MYO6: variants seen among roughly 807,000 people sequenced by gnomAD.
MYO6 encodes myosin VI.
A neutral mutation model predicts 178.7 loss-of-function variants in MYO6; 74 were observed. The ratio of observed to expected loss-of-function variants is 0.41; its 90% CI spans 0.34 to 0.50. The LOEUF is 0.50. Among genes scored for constraint, MYO6 ranks in the 20% least tolerant of loss-of-function variants. MYO6 has a pLI of 0.09. For synonymous variants in MYO6, 477 were observed against 504.6 expected, an observed-to-expected ratio of 0.95 and a Z score of 0.73; for missense variants, 1,330 against 1,547.4, an observed-to-expected ratio of 0.86 and a Z score of 2.36.
At position 75,857,012 on chromosome 6, in the gene MYO6, C is replaced by T; in HGVS notation, c.1224-85C>T. 14 of 1,272,148 alleles carry T rather than the reference C, an allele frequency of 1.1e-5. No individual in the cohort carries two copies. The South Asian group carries it at 1.6e-4, about 15-fold the overall frequency. 78.8% of individuals were successfully genotyped at this position (1,272,148 alleles called of 1,614,324 possible). On this transcript the variant is annotated intron_variant, in intron 12 of 34. Coordinates refer to ENST00000369977, the MANE Select transcript of MYO6 (RefSeq NM_004999.4). The stretch of plus-strand genomic sequence containing the variant: ...TGGTAACTCTTTATTTTGTTCTTCT[C>T]TGTGTGTATGTTTAGGTGCACTCTG...
At chr6:75,775,300 T>A (rs1200331008) in intron 1 of MYO6, among the ~76,000 whole-genome samples, 6 of 152,186 alleles carry the variant, frequency 3.9e-5, no homozygotes, top group Non-Finnish European at 7.3e-5. Flanking sequence ...GAGCAAATTC[T>A]TCCATAGCAG....
intron 27 of MYO6, among the ~76,000 whole-genome samples, chr6:75,892,154 A>C (rs1778951944): frequency 6.6e-6 from 1 of 152,178 alleles, no homozygotes; most frequent in African/African-American, 2.4e-5. Flanking sequence ...TCTGTTTGTC[A>C]TGGCTTTCAT....
intron 18 of MYO6, among the ~76,000 whole-genome samples, chr6:75,868,023 C>T (rs963660729): frequency 5.9e-5 from 9 of 152,126 alleles, no homozygotes; most frequent in Admixed American, 2.6e-4. Context: ...ATTTGCCTTT[C>T]ACTATATGTA....
At chr6:75,868,758 A>G (rs1431879156) in intron 18 of MYO6, among the ~76,000 whole-genome samples, 1 of 152,192 alleles carries the variant, frequency 6.6e-6, no homozygotes, top group Admixed American at 6.5e-5. Flanking sequence ...ATTTACAGCA[A>G]TACTTCAGTT....
chr6:75,870,634 C>T lies in MYO6; in HGVS notation c.1945-13C>T, dbSNP rs1280607958. On this transcript the variant is annotated splice_polypyrimidine_tract_variant and intron_variant, in intron 18 of 34. Transcript: ENST00000369977. ...CTTTTTGAAATAATAAACTGATTTC[C>T]TTTCTTTCACAGACACAGTTAAATT... 1 of 1,609,624 alleles carries T rather than the reference C, an allele frequency of 6.2e-7. No individual in the cohort carries two copies. Among genetic ancestry groups the T allele is most frequent in the Non-Finnish European group, 8.5e-7 (1 of 1,176,800 alleles).
At chr6:75,893,144 C>G (rs182958415) in intron 28 of MYO6, among the ~76,000 whole-genome samples, 238 of 152,168 alleles carry the variant, frequency 1.6e-3, no homozygotes, top group African/African-American at 5.0e-3. Flanking sequence ...AATGAGAACT[C>G]TACTCTGCAA....
rs1777286734 is a variant in MYO6, at chr6:75,873,183, C to T, written c.1984-24C>T. Reference sequence around the variant, plus strand: ...ACTAAGAATGCTATATGTATTGTAACAAAAAGTACCTTTATTTTCCTAGGG... The same window carrying T: ...ACTAAGAATGCTATATGTATTGTAATAAAAAGTACCTTTATTTTCCTAGGG... On this transcript the variant is annotated intron_variant, in intron 19 of 34. Transcript: ENST00000369977. 15 of 1,588,446 alleles carry T rather than the reference C, an allele frequency of 9.4e-6. No individual in the cohort carries two copies. In the East Asian group the frequency reaches 3.1e-4, roughly 33 times the overall value.
chr6:75,804,849 T>C (rs9447559), intron 1 of MYO6, among the ~76,000 whole-genome samples: 328 of 147,588 alleles, frequency 2.2e-3, no homozygotes, highest in African/African-American at 8.0e-3. Context: ...CCCTAACATA[T>C]ATATACACAT....
intron 1 of MYO6, among the ~76,000 whole-genome samples, chr6:75,800,731 A>G (rs1769368856): frequency 6.6e-6 from 1 of 151,746 alleles, no homozygotes; most frequent in Non-Finnish European, 1.5e-5. Flanking sequence ...GGGCATTACT[A>G]TTTTTTTGAG....
At chr6:75,825,573 A>G (rs1315490873) in intron 3 of MYO6, among the ~76,000 whole-genome samples, 1 of 152,230 alleles carries the variant, frequency 6.6e-6, no homozygotes, top group Non-Finnish European at 1.5e-5. Flanking sequence ...AGCCTGGGTG[A>G]CAAGAGTGAA....
chr6:75,784,776 C>CAAAAAAAAAA (rs754218278), intron 1 of MYO6, among the ~76,000 whole-genome samples: 2 of 54,408 alleles, frequency 3.7e-5, no homozygotes, highest in African/African-American at 1.3e-4. Flanking sequence ...GACTCCGTCT[C>CAAAAAAAAAA]AAAAAAAAAA....
chr6:75,870,750 C>CCTACTTGCAT, intron 19 of MYO6, 65 bp downstream of exon 19: 1 of 1,294,378 alleles, frequency 7.7e-7, no homozygotes, highest in Non-Finnish European at 1.1e-6. Flanking sequence ...AGTAATTATG[C>CCTACTTGCAT]AAGTAGGCAT....
At chr6:75,771,620 G>A (rs764478598) in intron 1 of MYO6, among the ~76,000 whole-genome samples, 1 of 152,102 alleles carries the variant, frequency 6.6e-6, no homozygotes, top group East Asian at 1.9e-4. Context: ...CCTTACTCCT[G>A]TTTGCAGTAT....
chr6:75,787,686 CTCT>C (rs1767724823), intron 1 of MYO6, among the ~76,000 whole-genome samples: 2 of 17,206 alleles, frequency 1.2e-4, no homozygotes, highest in Non-Finnish European at 1.7e-4. Context: ...TTCTCTCTCT[CTCT>C]CTCTCTCTCT....
At chr6:75,901,289 A>T (rs1456163822) in intron 30 of MYO6, among the ~76,000 whole-genome samples, 5 of 152,260 alleles carry the variant, frequency 3.3e-5, no homozygotes, top group African/African-American at 1.2e-4. Flanking sequence ...TGGTAGCTTG[A>T]TGGGGATGGC....
chr6:75,886,701 C>T, intron 24 of MYO6, 143 bp from the exon 25 acceptor site: 3 of 799,850 alleles, frequency 3.8e-6, no homozygotes, highest in Non-Finnish European at 6.0e-6. Context: ...TTTTTTTAGC[C>T]TTCAACAAGA....
intron 7 of MYO6, among the ~76,000 whole-genome samples, chr6:75,840,321 C>G (rs970849037): frequency 6.6e-6 from 1 of 152,018 alleles, no homozygotes; most frequent in South Asian, 2.1e-4. Flanking sequence ...ACCTCCACGC[C>G]TGGCTAATTT....
At chr6:75,843,781 A>G (rs930867893) in intron 9 of MYO6, among the ~76,000 whole-genome samples, 3 of 151,642 alleles carry the variant, frequency 2.0e-5, no homozygotes, top group Non-Finnish European at 1.5e-5. Context: ...AAAACCATGT[A>G]TATAGTTGTC....
At chr6:75,811,705 A>G (rs1297119789) in intron 1 of MYO6, among the ~76,000 whole-genome samples, 2 of 151,990 alleles carry the variant, frequency 1.3e-5, no homozygotes, top group African/African-American at 4.8e-5. Flanking sequence ...CCTCCTGTCT[A>G]TTCTGTAATT....
Sources: allele counts gnomAD v4.1 joint callset (sites outside exome capture counted in the v4.1 genomes callset), GRCh38; gene constraint gnomAD v4.1.1; transcripts MANE v1.5; gene names NCBI Gene and HGNC (gene_info 2026-07-23, HGNC 2026-07-21).